SGCZ: variants seen among roughly 807,000 people sequenced by gnomAD.
SGCZ encodes the protein sarcoglycan zeta.
Under a neutral mutation model 41.3 loss-of-function variants are expected in SGCZ, and 40 were observed. The observed-to-expected ratio is 0.97, with a 90% confidence interval of 0.75 to 1.26. The LOEUF is 1.26. Ranked by LOEUF, SGCZ falls within the 50% of genes most tolerant of loss-of-function variation. The pLI is 0.00. For missense variants in SGCZ, 552 were observed against 369.8 expected, an observed-to-expected ratio of 1.49 and a Z score of -4.04; for synonymous variants, 206 against 137.5, an observed-to-expected ratio of 1.50 and a Z score of -3.49.
At chr8:14,865,732 G>C (rs922744305) in intron 1 of SGCZ, among the ~76,000 whole-genome samples, 10 of 152,068 alleles carry the variant, frequency 6.6e-5, no homozygotes, top group Non-Finnish European at 1.5e-4. Flanking sequence ...ACTTCTAAAA[G>C]GAGTTGGGAG....
intron 4 of SGCZ, among the ~76,000 whole-genome samples, chr8:14,166,142 A>G (rs1023121671): frequency 3.3e-5 from 5 of 152,188 alleles, no homozygotes; most frequent in African/African-American, 4.8e-5. Flanking sequence ...TATGCTAAGT[A>G]AGATTAAAAC....
intron 1 of SGCZ, among the ~76,000 whole-genome samples, chr8:14,975,892 A>C (rs1423780556): frequency 6.7e-6 from 1 of 148,458 alleles, no homozygotes; most frequent in Admixed American, 6.8e-5. Flanking sequence ...ACACACACAC[A>C]CACATATATA....
At chr8:14,652,703 TAGGAA>T (rs533060287) in intron 1 of SGCZ, among the ~76,000 whole-genome samples, 13 of 152,184 alleles carry the variant, frequency 8.5e-5, no homozygotes, top group Admixed American at 2.0e-4. Context: ...TAAAATTGAA[TAGGAA>T]AGGAAAGTTT....
In SGCZ at chr8:14,489,867, C is replaced by A. The variant is rs28664039; in HGVS notation, c.234+64865G>T. Among the ~76,000 whole-genome samples the A allele has an allele frequency of 4.1e-3, 569 of 137,522 alleles. 12 individuals carry two copies. The highest frequency in any genetic ancestry group is 8.5e-3 in the African/African-American group (312 of 36,640). 90.2% of individuals were successfully genotyped at this position (137,522 alleles called of 152,430 possible). On this transcript the variant is annotated intron_variant, in intron 2 of 7. Transcript: ENST00000382080. Reference sequence around the variant, plus strand: ...CTGGCTCGCCGAAAAATTCTCCTACCTTTTTTTTTTTTTTCCTGAGATGGA... The same window carrying A: ...CTGGCTCGCCGAAAAATTCTCCTACATTTTTTTTTTTTTTCCTGAGATGGA...
At chr8:14,727,086 C>G (rs540808554) in intron 1 of SGCZ, among the ~76,000 whole-genome samples, 1 of 151,562 alleles carries the variant, frequency 6.6e-6, no homozygotes, top group Non-Finnish European at 1.5e-5. Flanking sequence ...TTAAAAAGAA[C>G]GTATAAAGAG....
At chr8:14,222,936 T>A (rs1031598194) in intron 4 of SGCZ, among the ~76,000 whole-genome samples, 2 of 150,452 alleles carry the variant, frequency 1.3e-5, no homozygotes, top group Admixed American at 6.7e-5. Flanking sequence ...CTCAGCCTTT[T>A]CAGTAGCTAA....
intron 2 of SGCZ, among the ~76,000 whole-genome samples, chr8:14,342,211 CTT>C (rs1200653921): frequency 1.3e-5 from 2 of 152,170 alleles, no homozygotes; most frequent in African/African-American, 4.8e-5. Flanking sequence ...AAAGCTGACT[CTT>C]GTTACGTTTT....
chr8:14,541,700 T>C (rs1342809131), intron 2 of SGCZ, among the ~76,000 whole-genome samples: 1 of 152,126 alleles, frequency 6.6e-6, no homozygotes, highest in Non-Finnish European at 1.5e-5. Flanking sequence ...CCTTGAGGAA[T>C]TGCCACACTG....
intron 1 of SGCZ, among the ~76,000 whole-genome samples, chr8:14,586,497 G>A (rs1227648062): frequency 2.0e-5 from 3 of 152,134 alleles, no homozygotes; most frequent in African/African-American, 7.2e-5. Flanking sequence ...GCAGGCATTA[G>A]CCACCACGCC....
At chr8:14,672,308 G>T (rs764676017) in intron 1 of SGCZ, among the ~76,000 whole-genome samples, 7 of 152,104 alleles carry the variant, frequency 4.6e-5, no homozygotes, top group Admixed American at 3.3e-4. Context: ...AATGCCCAAT[G>T]TCTCATATTC....
At chr8:15,045,885 C>T (rs1220851637) in intron 1 of SGCZ, among the ~76,000 whole-genome samples, 2 of 152,068 alleles carry the variant, frequency 1.3e-5, no homozygotes, top group African/African-American at 2.4e-5. Flanking sequence ...CAAGAATACT[C>T]TCCACCACTC....
chr8:14,998,775 C>A lies in SGCZ; in HGVS notation c.39+238810G>T, dbSNP rs111640572. Among the ~76,000 whole-genome samples the A allele has an allele frequency of 4.5e-3, 684 of 152,232 alleles. 7 individuals carry two copies. Among genetic ancestry groups the A allele is most frequent in the African/African-American group, 0.016 (652 of 41,548 alleles). On this transcript the variant is annotated intron_variant, in intron 1 of 7. Transcript: ENST00000382080. Reference sequence around the variant, plus strand: ...ATGTAGCAATGTGTTGAGTGGTTTTCTGCTGAAACTCAACTCAGGTCTATA... The same window carrying A: ...ATGTAGCAATGTGTTGAGTGGTTTTATGCTGAAACTCAACTCAGGTCTATA...
intron 1 of SGCZ, among the ~76,000 whole-genome samples, chr8:14,957,106 T>G: frequency 6.6e-6 from 1 of 152,180 alleles, no homozygotes; most frequent in East Asian, 1.9e-4. Context: ...AAGCTACTTC[T>G]ACATAACATT....
chr8:14,274,020 G>A (rs1386855147), intron 3 of SGCZ, among the ~76,000 whole-genome samples: 1 of 151,920 alleles, frequency 6.6e-6, no homozygotes, highest in Non-Finnish European at 1.5e-5. Flanking sequence ...TTAGAAATAG[G>A]CTTCAGTGTA....
intron 3 of SGCZ, among the ~76,000 whole-genome samples, chr8:14,251,750 T>C (rs1361077303): frequency 2.0e-5 from 3 of 152,368 alleles, no homozygotes; most frequent in Non-Finnish European, 4.4e-5. Context: ...AATTCCATTA[T>C]GTTAAATGTA....
intron 2 of SGCZ, among the ~76,000 whole-genome samples, chr8:14,468,100 G>C (rs916996894): frequency 6.6e-6 from 1 of 151,898 alleles, no homozygotes; most frequent in Non-Finnish European, 1.5e-5. Flanking sequence ...TTTTCAAAGA[G>C]GTGGCACATC....
chr8:14,522,301 G>A (rs1369689061), intron 2 of SGCZ, among the ~76,000 whole-genome samples: 3 of 151,998 alleles, frequency 2.0e-5, no homozygotes, highest in African/African-American at 7.2e-5. Flanking sequence ...TTTTCTGGAA[G>A]TGATTATGTG....
intron 1 of SGCZ, among the ~76,000 whole-genome samples, chr8:15,131,703 G>A (rs1807908291): frequency 6.6e-6 from 1 of 152,062 alleles, no homozygotes; most frequent in Admixed American, 6.6e-5. Context: ...CAGTTATTGA[G>A]TCCCCTAATA....
intron 2 of SGCZ, among the ~76,000 whole-genome samples, chr8:14,500,694 GTTGA>G (rs1161209528): frequency 6.6e-6 from 1 of 151,928 alleles, no homozygotes; most frequent in Non-Finnish European, 1.5e-5. Context: ...AATGTAAAAT[GTTGA>G]TTATTTCCCA....
Sources: gnomAD v4.1 joint callset for allele counts (sites outside exome capture counted in the v4.1 genomes callset) on GRCh38, gnomAD v4.1.1 for gene constraint, MANE v1.5 for transcripts, NCBI Gene and HGNC (gene_info 2026-07-23, HGNC 2026-07-21) for gene names.